The following ARMC8 variants were observed in gnomAD, a reference collection of about 807,000 sequenced individuals.
The protein encoded by ARMC8 is armadillo repeat containing 8.
Under a neutral mutation model 99.3 loss-of-function variants are expected in ARMC8, and 20 were observed. That is an observed-to-expected ratio of 0.20 (90% confidence interval 0.14 to 0.29). ARMC8 has a LOEUF of 0.29. Among genes scored for constraint, ARMC8 ranks in the 10% least tolerant of loss-of-function variants. ARMC8 has a pLI of 1.00. For synonymous variants in ARMC8, 263 were observed against 278.3 expected, an observed-to-expected ratio of 0.95 and a Z score of 0.55; for missense variants, 569 against 809.5, an observed-to-expected ratio of 0.70 and a Z score of 3.60.
At chr3:138,295,462 T>A (rs955362152) in intron 21 of ARMC8, among the ~76,000 whole-genome samples, 1 of 152,224 alleles carries the variant, frequency 6.6e-6, no homozygotes, top group African/African-American at 2.4e-5. Flanking sequence ...ACCCTAAGTG[T>A]TCTCCCTAGT....
Position 138,187,543 on chromosome 3 carries a change from G to A in ARMC8, c.-12G>A. 2.0e-6 allele frequency: 3 copies of A among 1,535,720 alleles called. No individual in the cohort carries two copies. Among genetic ancestry groups the A allele is most frequent in the Non-Finnish European group, 2.6e-6 (3 of 1,146,616 alleles). On this transcript the variant is annotated 5_prime_UTR_variant, in exon 1 of 22. Coordinates refer to ENST00000469044, the MANE Select transcript of ARMC8 (RefSeq NM_001363941.2). ...CGCCGGCGCCTGCAGCAGCCGGGTG[G>A]GAAGGCTCAAGATGGCGTGCTTGTT...
Position 138,239,482 on chromosome 3 carries a change from G to T in ARMC8, c.791G>T (p.Cys264Phe). 6.2e-7 allele frequency: 1 copy of T among 1,601,778 alleles called. No homozygotes were observed. Among genetic ancestry groups the T allele is most frequent in the Non-Finnish European group, 8.5e-7 (1 of 1,174,960 alleles). Reference sequence around the variant, plus strand: ...TCTTATTCCAGTTTAACTTACATGTGTAGAGCTGGAGCAATTCGGACAGAT... The same window carrying T: ...TCTTATTCCAGTTTAACTTACATGTTTAGAGCTGGAGCAATTCGGACAGAT... ...LTSAKCLTYM[C>F]RAGAIRTDDN... Residue 264 changes from cysteine to phenylalanine, a missense_variant, in exon 10 of 22, where the codon TGT becomes TTT. Coordinates refer to ENST00000469044, the MANE Select transcript of ARMC8 (RefSeq NM_001363941.2).
chr3:138,255,030 C>T (rs946262896), intron 12 of ARMC8, among the ~76,000 whole-genome samples: 1 of 151,964 alleles, frequency 6.6e-6, no homozygotes, highest in African/African-American at 2.4e-5. Flanking sequence ...GGCAGACCTA[C>T]AGGAGAGGCT....
At chr3:138,189,215 AAGAGT>A (rs2043240240) in intron 1 of ARMC8, among the ~76,000 whole-genome samples, 1 of 151,962 alleles carries the variant, frequency 6.6e-6, no homozygotes, top group Non-Finnish European at 1.5e-5. Context: ...AAACTTCTTG[AAGAGT>A]ATTTTCTATT....
intron 5 of ARMC8, among the ~76,000 whole-genome samples, chr3:138,223,949 C>T (rs2045543884): frequency 6.6e-6 from 1 of 150,846 alleles, no homozygotes; most frequent in Non-Finnish European, 1.5e-5. Flanking sequence ...CATAACAAGA[C>T]TCCATCTCTT....
chr3:138,246,190 G>A (rs2046873215), intron 12 of ARMC8: 2 of 985,740 alleles, frequency 2.0e-6, no homozygotes, highest in South Asian at 9.4e-5. Context: ...AGAAACTGAA[G>A]TAATAGCAAT....
At chr3:138,264,650 CCA>C (rs896119474) in intron 14 of ARMC8, among the ~76,000 whole-genome samples, 10 of 151,716 alleles carry the variant, frequency 6.6e-5, no homozygotes, top group African/African-American at 2.4e-4. Context: ...GAACTCCTGA[CCA>C]CGTGATCTGC....
At chr3:138,201,030 A>T (rs2107988680) in intron 1 of ARMC8, among the ~76,000 whole-genome samples, 1 of 147,708 alleles carries the variant, frequency 6.8e-6, no homozygotes, top group East Asian at 2.0e-4. Flanking sequence ...CTCCTGCCTC[A>T]GCTTCCCCAG....
At chr3:138,262,010 G>T (rs1288224732) in intron 12 of ARMC8, 1 of 152,602 alleles carries the variant, frequency 6.6e-6, no homozygotes, top group Non-Finnish European at 1.5e-5. Flanking sequence ...GTCACCAGCA[G>T]TGAGGGTGCC....
chr3:138,296,258 A>G lies in ARMC8; in HGVS notation c.*366A>G, dbSNP rs768534604. On this transcript the variant is annotated 3_prime_UTR_variant, in exon 22 of 22. Coordinates refer to ENST00000469044, the MANE Select transcript of ARMC8 (RefSeq NM_001363941.2). Reference sequence around the variant, plus strand: ...GGCATGCGTGTGTATGTGCACGTACATGGGCCAGAATGAATGGATGTGTGT... The same window carrying G: ...GGCATGCGTGTGTATGTGCACGTACGTGGGCCAGAATGAATGGATGTGTGT... 4.8e-4 allele frequency: 84 copies of G among 174,060 alleles called. No individual in the cohort carries two copies. The highest frequency in any genetic ancestry group is 7.6e-4 in the Non-Finnish European group (63 of 82,434). The allele number at this position is 174,060 out of a possible 1,614,324, so 10.8% of individuals were successfully genotyped here.
At chr3:138,238,581 A>G (rs888804259) in intron 9 of ARMC8, 1 of 152,112 alleles carries the variant, frequency 6.6e-6, no homozygotes, top group Non-Finnish European at 1.5e-5. Context: ...ATTTGTTTGT[A>G]TCATTTTTTG....
At chr3:138,194,341 C>CT (rs34445278) in intron 1 of ARMC8, among the ~76,000 whole-genome samples, 1,405 of 126,552 alleles carry the variant, frequency 0.011, 10 homozygotes, top group Non-Finnish European at 0.015. Context: ...CTGCGCCCAG[C>CT]TTTTTTTTTT....
intron 12 of ARMC8, among the ~76,000 whole-genome samples, chr3:138,250,416 A>G (rs1177150686): frequency 6.6e-6 from 1 of 152,172 alleles, no homozygotes; most frequent in Non-Finnish European, 1.5e-5. Context: ...AAGTGATTTT[A>G]TGCTGTAAGT....
rs2051475892 is a variant in ARMC8 at position 138,296,259 on chromosome 3, T to G, written c.*367T>G. ...GCATGCGTGTGTATGTGCACGTACA[T>G]GGGCCAGAATGAATGGATGTGTGTG... On this transcript the variant is annotated 3_prime_UTR_variant, in exon 22 of 22. Transcript: ENST00000469044. 5.7e-6 allele frequency: 1 copy of G among 174,220 alleles called. No individual in the cohort carries two copies. The highest frequency in any genetic ancestry group is 1.2e-5 in the Non-Finnish European group (1 of 82,490). The allele number at this position is 174,220 out of a possible 1,614,324, so 10.8% of individuals were successfully genotyped here. A position where few individuals can be genotyped will look rare whatever the true frequency, so the allele number is the denominator to read the frequency against.
intron 21 of ARMC8, among the ~76,000 whole-genome samples, chr3:138,294,902 C>CT (rs761552356): frequency 0.043 from 6,080 of 141,972 alleles, 380 homozygotes; most frequent in African/African-American, 0.14. Flanking sequence ...GTTTTTTGTT[C>CT]TTTTTTTTTT....
intron 17 of ARMC8, among the ~76,000 whole-genome samples, chr3:138,273,321 C>T (rs2048958754): frequency 6.6e-6 from 1 of 152,198 alleles, no homozygotes; most frequent in African/African-American, 2.4e-5. Context: ...CCCCTATTCT[C>T]CACTCCTACA....
intron 18 of ARMC8, among the ~76,000 whole-genome samples, chr3:138,275,808 T>G (rs1367757229): frequency 7.9e-5 from 12 of 152,174 alleles, no homozygotes; most frequent in Non-Finnish European, 1.5e-4. Context: ...ATAAAGTGAT[T>G]TTAAGACAGA....
intron 15 of ARMC8, among the ~76,000 whole-genome samples, chr3:138,269,681 C>T (rs1000379987): frequency 5.9e-5 from 9 of 151,992 alleles, no homozygotes; most frequent in Non-Finnish European, 1.0e-4. Context: ...AGAGTCTCAG[C>T]GAAAGATGAG....
intron 2 of ARMC8, among the ~76,000 whole-genome samples, chr3:138,221,685 A>G (rs1024032232): frequency 7.9e-5 from 12 of 152,074 alleles, no homozygotes; most frequent in African/African-American, 2.4e-4. Flanking sequence ...GAAGAACTCA[A>G]TTCTGTACTG....
Sources: gnomAD v4.1 joint callset for allele counts (sites outside exome capture counted in the v4.1 genomes callset) on GRCh38, gnomAD v4.1.1 for gene constraint, MANE v1.5 for transcripts, NCBI Gene and HGNC (gene_info 2026-07-23, HGNC 2026-07-21) for gene names.